Variants in TANC2 observed in about 807,000 individuals in gnomAD.
TANC2 encodes the protein protein TANC2.
A neutral mutation model predicts 210.5 loss-of-function variants in TANC2; 26 were observed. The ratio of observed to expected loss-of-function variants is 0.12; its 90% CI spans 0.09 to 0.17. TANC2 has a LOEUF of 0.17. Ranked by LOEUF, TANC2 falls within the 10% of genes least tolerant of loss-of-function variation. TANC2 has a pLI of 1.00. For synonymous variants in TANC2, 931 were observed against 967.1 expected (o/e 0.96, Z 0.69); for missense variants, 2,129 against 2,608.9 (o/e 0.82, Z 4.01).
chr17:63,420,369 C>G lies in TANC2; in HGVS notation c.4639C>G (p.His1547Asp). 1 of 1,613,950 alleles carries G rather than the reference C, an allele frequency of 6.2e-7. No individual in the cohort carries two copies. Among genetic ancestry groups the G allele is most frequent in the African/African-American group, 1.3e-5 (1 of 75,034 alleles). Residue 1547 changes from histidine (H) to aspartate (D), a missense_variant, in exon 28 of 28, where the codon CAT becomes GAT. By Grantham distance (81) the His-to-Asp change is moderately conservative. Transcript: ENST00000689528. The surrounding 1 kb of genome is among the most constrained non-coding windows in gnomAD (Gnocchi z 4.2). ...CATCTCCAGCTCACCTCTTGGCTCTCATCAGGTTTTTGACTTCCGGTCCAG... is the reference window on the plus strand; with the variant it reads ...CATCTCCAGCTCACCTCTTGGCTCTGATCAGGTTTTTGACTTCCGGTCCAG...
At chr17:63,355,494 A>G in intron 14 of TANC2, 104 bp downstream of exon 14, 1 of 1,249,752 alleles carries the variant, frequency 8.0e-7, no homozygotes, top group South Asian at 1.7e-5. Flanking sequence ...CATTTCACAT[A>G]GAAGAGACAT....
At chr17:62,987,831 G>A (rs1366510685) in intron 1 of TANC2, among the ~76,000 whole-genome samples, 1 of 152,118 alleles carries the variant, frequency 6.6e-6, no homozygotes, top group Non-Finnish European at 1.5e-5. Context: ...ACAGGGAAGG[G>A]GTGCAGGGGA....
intron 5 of TANC2, among the ~76,000 whole-genome samples, chr17:63,189,585 C>T (rs1013621914): frequency 2.0e-5 from 3 of 152,044 alleles, no homozygotes; most frequent in African/African-American, 7.2e-5. Flanking sequence ...CAGTATTTTG[C>T]CTATGTTCTA....
chr17:63,374,028 GTT>G (rs2047349492), intron 14 of TANC2, among the ~76,000 whole-genome samples: 2 of 109,862 alleles, frequency 1.8e-5, no homozygotes, highest in African/African-American at 3.9e-5. Context: ...TTCAGTTGTT[GTT>G]GGTTTTTTTT....
intron 2 of TANC2, among the ~76,000 whole-genome samples, chr17:63,049,924 G>A (rs2144367930): frequency 6.6e-6 from 1 of 152,252 alleles, no homozygotes; most frequent in Non-Finnish European, 1.5e-5. Flanking sequence ...ACTTAAGGAT[G>A]ACTCCACGGT....
In TANC2 at chr17:63,015,968, C is replaced by T. The variant is rs2034090060; in HGVS notation, c.67+6342C>T. 2.7e-5 allele frequency among the ~76,000 whole-genome samples: 4 copies of T among 149,328 alleles called. No individual in the cohort carries two copies. The Admixed American group carries it at 2.7e-4, about 10-fold the overall frequency. On this transcript the variant is annotated intron_variant, in intron 2 of 27. Transcript: ENST00000689528. ...GTCATTGTTTTGGTAAATCATTATT[C>T]AAGTATGCTGGTGGGGGTGGGGAGA...
intron 3 of TANC2, among the ~76,000 whole-genome samples, chr17:63,083,696 G>A (rs1013318456): frequency 6.6e-6 from 1 of 152,086 alleles, no homozygotes; most frequent in Non-Finnish European, 1.5e-5. Context: ...GTCTTCAGAC[G>A]GCTTTTGGAT....
In TANC2 at chr17:63,420,167, A is replaced by G. The variant is rs779214888; in HGVS notation, c.4437A>G (p.Ala1479=). ...CTCAGCAGCAGTTGCCGGAAGAAGCAGAACCTGAGCCACAGCATGAAGACA... is the reference window on the plus strand; with the variant it reads ...CTCAGCAGCAGTTGCCGGAAGAAGCGGAACCTGAGCCACAGCATGAAGACA... The change falls in exon 28 of 28, where the codon GCA becomes GCG. Residue 1479 remains alanine (A), a synonymous_variant. Coordinates refer to ENST00000689528, the Ensembl canonical transcript of TANC2. The surrounding 1 kb of genome is among the most constrained non-coding windows in gnomAD (Gnocchi z 4.2). The G allele has an allele frequency of 4.5e-6, 7 of 1,569,988 alleles. No homozygotes were observed. The highest frequency in any genetic ancestry group is 6.1e-6 in the Non-Finnish European group (7 of 1,156,872).
intron 4 of TANC2, among the ~76,000 whole-genome samples, chr17:63,133,123 G>A (rs987375512): frequency 8.5e-5 from 13 of 152,300 alleles, no homozygotes; most frequent in African/African-American, 2.4e-4. Flanking sequence ...ACAGGTGTGT[G>A]CCACCACGCC....
chr17:63,191,185 T>C (rs1379144023), intron 5 of TANC2, among the ~76,000 whole-genome samples: 1 of 151,784 alleles, frequency 6.6e-6, no homozygotes, highest in Non-Finnish European at 1.5e-5. Flanking sequence ...AGGAAAAAAA[T>C]GAAAATGCGT....
chr17:63,119,865 A>T (rs550958826), intron 4 of TANC2, among the ~76,000 whole-genome samples: 70 of 152,056 alleles, frequency 4.6e-4, no homozygotes, highest in African/African-American at 1.4e-3. Context: ...TAATTTTTTT[A>T]AAAAATTAGC....
At chr17:63,215,098 A>T (rs1325602514) in intron 7 of TANC2, among the ~76,000 whole-genome samples, 1 of 152,200 alleles carries the variant, frequency 6.6e-6, no homozygotes, top group African/African-American at 2.4e-5. Flanking sequence ...AAGAACAGGA[A>T]TGATCTACAA....
chr17:63,113,501 T>G (rs551280259), intron 4 of TANC2, among the ~76,000 whole-genome samples: 5 of 152,098 alleles, frequency 3.3e-5, no homozygotes, highest in Non-Finnish European at 7.4e-5. Flanking sequence ...ATGTGGTTAT[T>G]TCATTTTACT....
intron 4 of TANC2, among the ~76,000 whole-genome samples, chr17:63,136,691 A>G (rs956554680): frequency 2.0e-5 from 3 of 152,222 alleles, no homozygotes; most frequent in Non-Finnish European, 4.4e-5. Flanking sequence ...TGAATTTACC[A>G]GTAACGGACT....
intron 5 of TANC2, among the ~76,000 whole-genome samples, chr17:63,161,871 A>G (rs2040038335): frequency 6.6e-6 from 1 of 152,042 alleles, no homozygotes; most frequent in Non-Finnish European, 1.5e-5. Flanking sequence ...TACTAGCCCT[A>G]CCCTGTTCCC....
At chr17:63,051,021 A>G (rs2035563349) in intron 2 of TANC2, among the ~76,000 whole-genome samples, 2 of 152,178 alleles carry the variant, frequency 1.3e-5, no homozygotes, top group Non-Finnish European at 2.9e-5. Flanking sequence ...CTTTTAGGCC[A>G]TGGTCCACAC....
At chr17:62,983,263 AGAG>A (rs1359211139) in intron 1 of TANC2, among the ~76,000 whole-genome samples, 1 of 151,978 alleles carries the variant, frequency 6.6e-6, no homozygotes, top group African/African-American at 2.4e-5. Context: ...GTTTGTGTAT[AGAG>A]TACTACTGAT....
Position 63,418,201 on chromosome 17 carries a change from T to C in TANC2, c.4168-106T>C. 1.7e-6 allele frequency: 2 copies of C among 1,177,396 alleles called. No individual in the cohort carries two copies. Among genetic ancestry groups the C allele is most frequent in the Middle Eastern group, 4.0e-4 (2 of 5,036 alleles). The allele number at this position is 1,177,396 out of a possible 1,614,324, so 72.9% of individuals were successfully genotyped here. A position where few individuals can be genotyped will look rare whatever the true frequency, so the allele number is the denominator to read the frequency against. ...CAGGCACGTCTAGCGTCCCAGGCGT[T>C]CCATCCATGAATGTCAAAAAATGTA... On this transcript the variant is annotated intron_variant, in intron 26 of 27. Transcript: ENST00000689528. This position sits in a 1 kb window ranked among gnomAD's most constrained non-coding sequence, Gnocchi z 4.6.
At position 63,354,889 on chromosome 17, in the gene TANC2, G is replaced by A. The variant is rs1040557152; in HGVS notation, c.2081G>A (p.Ser694Asn). ...GCTTACATCCTGCACCGGATACACA[G>A]CAGCTCAGAGATCCAGAATAACATT... Residue 694 changes from serine (S) to asparagine (N), a missense_variant, in exon 14 of 28, where the codon AGC becomes AAC. Physicochemically the swap from Ser to Asn is conservative, Grantham distance 46 (BLOSUM62 1). Coordinates refer to ENST00000689528, the Ensembl canonical transcript of TANC2. 6 of 1,613,664 alleles carry A rather than the reference G, an allele frequency of 3.7e-6. No individual in the cohort carries two copies. Among genetic ancestry groups the A allele is most frequent in the African/African-American group, 1.3e-5 (1 of 74,866 alleles).
Sources: gnomAD v4.1 joint callset for allele counts (sites outside exome capture counted in the v4.1 genomes callset) on GRCh38, gnomAD v4.1.1 for gene constraint, Gnocchi (gnomAD v3.1) non-coding constraint, MANE v1.5 for transcripts, NCBI Gene and HGNC (gene_info 2026-07-23, HGNC 2026-07-21) for gene names.